CHLSN: variants seen among roughly 807,000 people sequenced by gnomAD.
CHLSN encodes cholesin, also known as protein cholesin.
the CHLSN span, among the ~76,000 whole-genome samples, chr7:1,002,358 T>C: frequency 7.2e-5 from 8 of 111,530 alleles, no homozygotes; most frequent in East Asian, 3.3e-4. Flanking sequence ...GGGAGTCCTG[T>C]GGGTGAATGG....
chr7:984,844 C>T, the CHLSN span: 15 of 1,432,530 alleles, frequency 1.0e-5, no homozygotes, highest in African/African-American at 1.0e-4. Flanking sequence ...GGTGAGGGCC[C>T]AGCCAGTCTC....
the CHLSN span, among the ~76,000 whole-genome samples, chr7:996,110 TCA>T: frequency 6.6e-6 from 1 of 152,106 alleles, no homozygotes; most frequent in Non-Finnish European, 1.5e-5. Flanking sequence ...CGTCCGTGGG[TCA>T]CAGTGAGGCC....
the CHLSN span, among the ~76,000 whole-genome samples, chr7:1,033,100 G>A: frequency 6.6e-6 from 1 of 152,210 alleles, no homozygotes; most frequent in South Asian, 2.1e-4. Flanking sequence ...GGTCTGTGAA[G>A]CTAGTAGAAC....
chr7:1,043,264 T>C, the CHLSN span, among the ~76,000 whole-genome samples: 2 of 152,148 alleles, frequency 1.3e-5, no homozygotes, highest in African/African-American at 2.4e-5. Context: ...TGGTGACCTA[T>C]CTCATTGACG....
the CHLSN span, chr7:1,026,949 T>C: frequency 6.6e-6 from 1 of 152,164 alleles, no homozygotes; most frequent in African/African-American, 2.4e-5. Context: ...AGCAAAACTA[T>C]GTTCTCATCT....
chr7:1,078,799 C>T, the CHLSN span, among the ~76,000 whole-genome samples: 15 of 152,246 alleles, frequency 9.9e-5, no homozygotes, highest in Non-Finnish European at 1.9e-4. Flanking sequence ...AGGCTGGGAG[C>T]TCTGTGAGGG....
At chr7:1,133,902 G>A in the CHLSN span, among the ~76,000 whole-genome samples, 159 of 152,156 alleles carry the variant, frequency 1.0e-3, 1 homozygote, top group African/African-American at 3.7e-3. Context: ...GACCACCCAG[G>A]CTCAAGCAAT....
the CHLSN span, chr7:1,028,511 CCTGCTGCAGCCCCCA>C: frequency 2.0e-6 from 2 of 985,174 alleles, no homozygotes; most frequent in Non-Finnish European, 2.4e-6. Context: ...GGGGGTGGAC[CCTGCTGCAGCCCCCA>C]CTGCTCCTCC....
the CHLSN span, chr7:1,025,201 G>A: frequency 6.6e-6 from 1 of 152,474 alleles, no homozygotes; most frequent in East Asian, 1.9e-4. Context: ...CCTCCCCGCA[G>A]AGCTCTGCAG....
At chr7:1,090,710 C>T in the CHLSN span, among the ~76,000 whole-genome samples, 1 of 152,266 alleles carries the variant, frequency 6.6e-6, no homozygotes, top group African/African-American at 2.4e-5. Flanking sequence ...AGAGGATAAG[C>T]TCGGGAGGGA....
the CHLSN span, among the ~76,000 whole-genome samples, chr7:1,030,223 C>T: frequency 0.018 from 2,809 of 152,288 alleles, 117 homozygotes; most frequent in East Asian, 0.19. Context: ...CAACGACCCA[C>T]GCATCCACCC....
At chr7:1,049,562 AG>A in the CHLSN span, among the ~76,000 whole-genome samples, 1 of 152,170 alleles carries the variant, frequency 6.6e-6, no homozygotes, top group Non-Finnish European at 1.5e-5. Context: ...CTTCCTAGGA[AG>A]ACGGAGGGCG....
chr7:1,087,256 C>A, the CHLSN span: 2 of 152,238 alleles, frequency 1.3e-5, no homozygotes, highest in Non-Finnish European at 2.9e-5. Flanking sequence ...TAAGTTCCGA[C>A]GCTTCTGCAG....
the CHLSN span, among the ~76,000 whole-genome samples, chr7:1,082,967 G>A: frequency 6.6e-6 from 1 of 152,240 alleles, no homozygotes; most frequent in Non-Finnish European, 1.5e-5. Context: ...GAGGCTCCTT[G>A]AGGAACTGCC....
chr7:1,126,419 C>G, the CHLSN span, among the ~76,000 whole-genome samples: 194 of 150,694 alleles, frequency 1.3e-3, 3 homozygotes, highest in Middle Eastern at 3.4e-3. Flanking sequence ...TGGCTCACAC[C>G]TGTAATTCCA....
the CHLSN span, chr7:985,108 G>A: frequency 5.0e-5 from 80 of 1,610,996 alleles, no homozygotes; most frequent in African/African-American, 9.5e-4. Flanking sequence ...AGGTGAGCAG[G>A]GGGCCGGGGA....
the CHLSN span, among the ~76,000 whole-genome samples, chr7:1,070,866 GTGCGCACACGTGCACA>G: frequency 2.8e-4 from 38 of 135,764 alleles, no homozygotes; most frequent in African/African-American, 8.8e-4. Context: ...ATGCACACGG[GTGCGCACACGTGCACA>G]TGCACACACG....
At chr7:1,026,838 C>T in the CHLSN span, 2 of 152,222 alleles carry the variant, frequency 1.3e-5, no homozygotes, top group African/African-American at 4.8e-5. Context: ...TCCAGCGCGC[C>T]GCCCACTTCA....
At chr7:1,062,703 G>A in the CHLSN span, among the ~76,000 whole-genome samples, 2 of 152,206 alleles carry the variant, frequency 1.3e-5, no homozygotes, top group African/African-American at 4.8e-5. Flanking sequence ...CCCTCCCAAG[G>A]ATTCCGGCAG....
Sources: gnomAD v4.1 joint callset for allele counts (sites outside exome capture counted in the v4.1 genomes callset) on GRCh38, gnomAD v4.1.1 for gene constraint, MANE v1.5 for transcripts, NCBI Gene and HGNC (gene_info 2026-07-23, HGNC 2026-07-21) for gene names.